Variants in RO60 observed in about 807,000 individuals in gnomAD.
RO60 encodes the protein Ro60, Y RNA binding protein, also known as RNA-binding protein RO60.
A neutral mutation model predicts 55.3 loss-of-function variants in RO60; 20 were observed. The ratio of observed to expected loss-of-function variants is 0.36; its 90% CI spans 0.25 to 0.53. The LOEUF (loss-of-function observed/expected upper bound fraction) is 0.53. RO60 is among the 20% of genes least tolerant of loss of function. The probability of loss-of-function intolerance (pLI) is 0.92; values close to 1 mark genes in which losing one functional copy is unlikely to be tolerated. For missense variants in RO60, 558 were observed against 646.6 expected (o/e 0.86, Z 1.49); for synonymous variants, 213 against 213.6 (o/e 1.00, Z 0.02).
intron 1 of RO60, among the ~76,000 whole-genome samples, chr1:193,065,554 G>A (rs1015033741): frequency 3.3e-5 from 5 of 152,144 alleles, no homozygotes; most frequent in African/African-American, 1.2e-4. Context: ...TCTATGTAAT[G>A]TAAAGATCAG....
At chr1:193,091,576 A>G, downstream of RO60, 1 of 1,187,534 alleles carries the variant, frequency 8.4e-7, no homozygotes, top group South Asian at 1.3e-5. Flanking sequence ...ATGAATGAAT[A>G]TATTAATGTA....
chr1:193,075,835 C>A lies in RO60; in HGVS notation c.596C>A (p.Thr199Asn). 1.9e-6 allele frequency: 3 copies of A among 1,603,368 alleles called. No homozygotes were observed. The highest frequency in any genetic ancestry group is 2.3e-5 in the South Asian group (2 of 88,808). Residue 199 changes from threonine (T) to asparagine (N), a missense_variant, in exon 3 of 9, where the codon ACC (threonine) becomes AAC (asparagine). Transcript: ENST00000400968. Reference protein sequence around the residue: ...KPSSEGLAIVTKYITKGWKEV... With the variant: ...KPSSEGLAIVNKYITKGWKEV... The stretch of plus-strand genomic sequence containing the variant: ...CTTGTTAAAGGACTTGCAATTGTGA[C>A]CAAATATATTACAAAGGGCTGGAAA...
Position 193,081,397 on chromosome 1 carries a change from G to T in RO60, c.1120G>T (p.Ala374Ser), listed in dbSNP as rs1195795922. 6.2e-7 allele frequency: 1 copy of T among 1,607,956 alleles called. No homozygotes were observed. The highest frequency in any genetic ancestry group is 8.5e-7 in the Non-Finnish European group (1 of 1,176,222). ...VEPTGKRFLL[A>S]VDVSASMNQR... is the part of the protein sequence containing the mutation. ...ACCAACTGGAAAACGTTTCTTACTA[G>T]CTGTTGATGTCAGTGCTTCTATGAA... is the stretch of plus-strand genomic sequence containing the variant. Residue 374 changes from alanine (A) to serine (S), a missense_variant, in exon 6 of 9, where the codon GCT becomes TCT. Coordinates refer to ENST00000400968, the MANE Select transcript of RO60 (RefSeq NM_001173524.2).
intron 1 of RO60, among the ~76,000 whole-genome samples, chr1:193,065,819 A>C (rs1673065004): frequency 6.6e-6 from 1 of 152,176 alleles, no homozygotes. Flanking sequence ...CTAGGCTTCC[A>C]CTAACATAAG....
intron 8 of RO60, among the ~76,000 whole-genome samples, chr1:193,083,666 G>T (rs987660177): frequency 6.6e-6 from 1 of 152,222 alleles, no homozygotes; most frequent in Non-Finnish European, 1.5e-5. Flanking sequence ...AAACTCTGAC[G>T]TTGGGACTGT....
At position 193,088,162 on chromosome 1, in the gene RO60, C is replaced by CTTTTTTTTTT. The variant is rs145943712; in HGVS notation, c.*3453_*3462dup. The CTTTTTTTTTT allele has an allele frequency of 4.5e-4, 20 of 44,394 alleles. 2 individuals carry two copies. The highest frequency in any genetic ancestry group is 2.2e-3 in the African/African-American group (19 of 8,736). The allele number at this position is 44,394 out of a possible 1,614,324, so 2.8% of individuals were successfully genotyped here. A position where few individuals can be genotyped will look rare whatever the true frequency, so the allele number is the denominator to read the frequency against. On this transcript the variant is annotated 3_prime_UTR_variant, in exon 9 of 9. Coordinates refer to ENST00000400968, the MANE Select transcript of RO60 (RefSeq NM_001173524.2). ...GGTGTGCACTGCACTACCACGCCTG[C>CTTTTTTTTTT]TTTTTTTTTTTTTTTTTTTTTTTTT...
Position 193,086,054 on chromosome 1 carries a change from G to T in RO60, c.*1323G>T. On this transcript the variant is annotated 3_prime_UTR_variant, in exon 9 of 9. Transcript: ENST00000400968. ...ACACATAAAACCTGTTTGCGTATCT[G>T]TTGTTCTCTAAATATTAATTGAAGA... 1.0e-6 allele frequency: 1 copy of T among 979,396 alleles called. No homozygotes were observed. Among genetic ancestry groups the T allele is most frequent in the Non-Finnish European group, 1.2e-6 (1 of 824,590 alleles). The allele number at this position is 979,396 out of a possible 1,614,324, so 60.7% of individuals were successfully genotyped here.
intron 2 of RO60, chr1:193,070,661 G>A (rs1021154286): frequency 2.4e-6 from 1 of 409,754 alleles, no homozygotes; most frequent in South Asian, 1.8e-5. Context: ...ATTAAAAGGA[G>A]GGTAAGGAGA....
At chr1:193,074,375 T>G (rs1420076196) in intron 2 of RO60, among the ~76,000 whole-genome samples, 1 of 152,224 alleles carries the variant, frequency 6.6e-6, no homozygotes. Context: ...TGTTCCTGTT[T>G]CTCCACATCC....
chr1:193,067,961 G>A (rs1282329751), intron 1 of RO60, among the ~76,000 whole-genome samples: 1 of 152,150 alleles, frequency 6.6e-6, no homozygotes, highest in Admixed American at 6.5e-5. Flanking sequence ...ATATATTGGT[G>A]TGCCATCTTA....
At chr1:193,080,257 C>T (rs1674218245) in intron 5 of RO60, among the ~76,000 whole-genome samples, 1 of 151,916 alleles carries the variant, frequency 6.6e-6, no homozygotes, top group African/African-American at 2.4e-5. Flanking sequence ...AAGCAGAAAA[C>T]AAGAGTTGGG....
In RO60 at chr1:193,079,685, G is replaced by A. The variant is rs114766855; in HGVS notation, c.1087-1679G>A. On this transcript the variant is annotated intron_variant, in intron 5 of 8. Transcript: ENST00000400968. ...AGTTAAAAGATAATCTACACAATGG[G>A]AGAAAATATTTGCAGACCATATGTC... Among the ~76,000 whole-genome samples the A allele has an allele frequency of 2.4e-3, 363 of 152,194 alleles. 1 individual carries two copies. The highest frequency in any genetic ancestry group is 4.2e-3 in the Non-Finnish European group (287 of 68,006).
At position 193,091,080 on chromosome 1, in the gene RO60, T is replaced by C. The variant is rs971115948; in HGVS notation, c.*6349T>C. 1.3e-5 allele frequency: 2 copies of C among 152,352 alleles called. No homozygotes were observed. The highest frequency in any genetic ancestry group is 4.8e-5 in the African/African-American group (2 of 41,468). 9.4% of individuals were successfully genotyped at this position (152,352 alleles called of 1,614,324 possible). ...ACAAGTTATCCAACAGGTTGGACTTTGTAACATGATATCCAAGGACCAAGT... is the reference window on the plus strand; with the variant it reads ...ACAAGTTATCCAACAGGTTGGACTTCGTAACATGATATCCAAGGACCAAGT... On this transcript the variant is annotated 3_prime_UTR_variant, in exon 9 of 9. Transcript: ENST00000400968.
At chr1:193,080,061 G>T (rs1345798483) in intron 5 of RO60, among the ~76,000 whole-genome samples, 1 of 152,020 alleles carries the variant, frequency 6.6e-6, no homozygotes, top group African/African-American at 2.4e-5. Context: ...AACCCAGGAG[G>T]TGGAGGTTAC....
At chr1:193,062,333 A>G (rs969442236) in intron 1 of RO60, among the ~76,000 whole-genome samples, 1 of 152,204 alleles carries the variant, frequency 6.6e-6, no homozygotes, top group African/African-American at 2.4e-5. Context: ...TCTTGTGGGT[A>G]TCTCAAATTG....
rs1182029348 is a variant in RO60 at position 193,086,120 on chromosome 1, A to G, written c.*1389A>G. The stretch of plus-strand genomic sequence containing the variant: ...TAAGGTCCTTCTCGCTGTTATGTGA[A>G]AAGTCAAACTGTAGTTAATGTAAAT... On this transcript the variant is annotated 3_prime_UTR_variant, in exon 9 of 9. Transcript: ENST00000400968. 6.3e-6 allele frequency: 5 copies of G among 795,010 alleles called. No homozygotes were observed. In the African/African-American group the frequency reaches 9.4e-5, roughly 15 times the overall value. 49.2% of individuals were successfully genotyped at this position (795,010 alleles called of 1,614,324 possible).
rs1301748139 is a variant in RO60 at position 193,087,298 on chromosome 1, G to C, written c.*2567G>C. 1 of 151,950 alleles carries C rather than the reference G, an allele frequency of 6.6e-6. No homozygotes were observed. Among genetic ancestry groups the C allele is most frequent in the Non-Finnish European group, 1.5e-5 (1 of 67,976 alleles). 9.4% of individuals were successfully genotyped at this position (151,950 alleles called of 1,614,324 possible). On this transcript the variant is annotated 3_prime_UTR_variant, in exon 9 of 9. Coordinates refer to ENST00000400968, the MANE Select transcript of RO60 (RefSeq NM_001173524.2). ...TTTTTATTTCCTGAGTTACTTTTAG[G>C]ATTACTGTTAAATTAATATTTGGGA...
rs1674777680 is a variant in RO60 at position 193,089,750 on chromosome 1, A to C, written c.*5019A>C. 1 of 151,572 alleles carries C rather than the reference A, an allele frequency of 6.6e-6. No individual in the cohort carries two copies. Among genetic ancestry groups the C allele is most frequent in the African/African-American group, 2.4e-5 (1 of 41,270 alleles). 9.4% of individuals were successfully genotyped at this position (151,572 alleles called of 1,614,324 possible). ...AGATTTTTCCCTTTGCTTCTGTTTT[A>C]TTTAGCCCTGCCATGCACCACATTA... On this transcript the variant is annotated 3_prime_UTR_variant, in exon 9 of 9. Coordinates refer to ENST00000400968, the MANE Select transcript of RO60 (RefSeq NM_001173524.2).
chr1:193,075,779 G>T (rs1297933640), intron 2 of RO60, 41 bp from the exon 3 acceptor site: 1 of 1,442,116 alleles, frequency 6.9e-7, no homozygotes, highest in Non-Finnish European at 9.5e-7. Flanking sequence ...TTTTTTACTT[G>T]GTAATCCTGC....
Sources: allele counts gnomAD v4.1 joint callset (sites outside exome capture counted in the v4.1 genomes callset), GRCh38; gene constraint gnomAD v4.1.1; transcripts MANE v1.5; gene names NCBI Gene and HGNC (gene_info 2026-07-23, HGNC 2026-07-21).